The following RABL6 variants were observed in gnomAD, a reference collection of about 807,000 sequenced individuals.
RABL6 encodes the protein rab-like protein 6.
RABL6 carries 28 observed loss-of-function variants against 72.9 expected under a neutral mutation model. That is an observed-to-expected ratio of 0.38 (90% CI 0.28 to 0.53). RABL6 has a LOEUF of 0.53. Ranked by LOEUF, RABL6 falls within the 20% of genes least tolerant of loss-of-function variation. The probability of loss-of-function intolerance (pLI) is 0.80; values close to 1 mark genes in which losing one functional copy is unlikely to be tolerated. For synonymous variants in RABL6, 477 were observed against 421.2 expected (o/e 1.13, Z -1.62); for missense variants, 1,029 against 1,008.4 (o/e 1.02, Z -0.28).
chr9:136,819,324 GAAA>G (rs57726746), intron 1 of RABL6, among the ~76,000 whole-genome samples: 8 of 58,950 alleles, frequency 1.4e-4, no homozygotes, highest in African/African-American at 2.3e-4. Context: ...TCCGTCTCAA[GAAA>G]AAAAAAAAAA....
chr9:136,831,722 A>G lies in RABL6; in HGVS notation c.460A>G (p.Thr154Ala), dbSNP rs774218944. 6.2e-7 allele frequency: 1 copy of G among 1,612,910 alleles called. No homozygotes were observed. The highest frequency in any genetic ancestry group is 8.5e-7 in the Non-Finnish European group (1 of 1,179,742). ...CCAGGTCCTCACCTGTTCTCCGAGG[A>G]CCTTCAATTACATTCTCCGGGAGCT... Reference protein sequence around the residue: ...VMMFDITKQWTFNYILRELPK... With the variant: ...VMMFDITKQWAFNYILRELPK... The change falls in exon 6 of 15, where the codon ACC becomes GCC. Residue 154 changes from threonine (T) to alanine (A), a missense_variant and splice_region_variant. Physicochemically the swap from Thr to Ala is moderately conservative, Grantham distance 58. Around this residue, in one of 2 missense-constraint regions of RABL6, gnomAD observed 434 missense variants for 536.1 expected, o/e 0.81. Coordinates refer to ENST00000311502, the MANE Select transcript of RABL6 (RefSeq NM_024718.5).
chr9:136,817,211 C>T (rs992112453), intron 1 of RABL6, among the ~76,000 whole-genome samples: 2 of 152,014 alleles, frequency 1.3e-5, no homozygotes, highest in African/African-American at 4.8e-5. Flanking sequence ...AAGAGATGTG[C>T]GGCCCAGGGA....
chr9:136,818,190 C>T (rs372831078), intron 1 of RABL6, among the ~76,000 whole-genome samples: 132 of 150,668 alleles, frequency 8.8e-4, no homozygotes, highest in African/African-American at 3.1e-3. Flanking sequence ...AGTGAAACCT[C>T]GTCTCTACTA....
At chr9:136,834,929 T>TACA in intron 7 of RABL6, among the ~76,000 whole-genome samples, 1 of 74,410 alleles carries the variant, frequency 1.3e-5, no homozygotes, top group Admixed American at 1.5e-4. Flanking sequence ...GACCCTGTTC[T>TACA]AAAAAAAAAA....
In RABL6 at chr9:136,819,338, A is replaced by G. The variant is rs939369958; in HGVS notation, c.131-4187A>G. Among the ~76,000 whole-genome samples the G allele has an allele frequency of 1.1e-4, 17 of 151,770 alleles. 1 individual carries two copies. Among genetic ancestry groups the G allele is most frequent in the African/African-American group, 3.6e-4 (15 of 41,382 alleles). The stretch of plus-strand genomic sequence containing the variant: ...CTCCGTCTCAAGAAAAAAAAAAAAA[A>G]AAAAAGAAAACCACCTTGTCCAGCT... On this transcript the variant is annotated intron_variant, in intron 1 of 14. Coordinates refer to ENST00000311502, the MANE Select transcript of RABL6 (RefSeq NM_024718.5).
chr9:136,830,113 C>A (rs1848441403), intron 5 of RABL6, among the ~76,000 whole-genome samples: 1 of 152,250 alleles, frequency 6.6e-6, no homozygotes, highest in Non-Finnish European at 1.5e-5. Flanking sequence ...CAGGGCCCCT[C>A]CTAGCCACAG....
intron 1 of RABL6, chr9:136,810,084 G>C (rs997086250): frequency 6.6e-6 from 1 of 152,244 alleles, no homozygotes; most frequent in Non-Finnish European, 1.5e-5. Context: ...TCGGAGAAGA[G>C]AATATTGAGT....
rs976659680 is a variant in RABL6, at chr9:136,808,040, C to G, written c.-157C>G. 1.9e-6 allele frequency: 2 copies of G among 1,066,392 alleles called. No individual in the cohort carries two copies. Among genetic ancestry groups the G allele is most frequent in the Admixed American group, 5.4e-5 (1 of 18,518 alleles). The allele number at this position is 1,066,392 out of a possible 1,614,324, so 66.1% of individuals were successfully genotyped here. On this transcript the variant is annotated 5_prime_UTR_variant, in exon 1 of 15. Coordinates refer to ENST00000311502, the MANE Select transcript of RABL6 (RefSeq NM_024718.5). ...CGGCTGAGGTTCCCGAGTCGCCGCTCGGGGCTGCGCTCCGCCGCCGGGACC... is the reference window on the plus strand; with the variant it reads ...CGGCTGAGGTTCCCGAGTCGCCGCTGGGGGCTGCGCTCCGCCGCCGGGACC...
rs1224661253 is a variant in RABL6 at position 136,837,992 on chromosome 9, G to A, written c.1257G>A (p.Lys419=). ...PARDEKKVGA[K]AAQQDSDSDG... ...GGGACGAGAAGAAGGTGGGGGCCAAGGCTGCCCAGCAGGACAGCGACAGGT... is the reference window on the plus strand; with the variant it reads ...GGGACGAGAAGAAGGTGGGGGCCAAAGCTGCCCAGCAGGACAGCGACAGGT... Residue 419 remains lysine, a synonymous_variant, in exon 10 of 15, where the codon AAG becomes AAA. Transcript: ENST00000311502. 1.5e-5 allele frequency: 23 copies of A among 1,567,950 alleles called. No homozygotes were observed. The highest frequency in any genetic ancestry group is 1.9e-5 in the Non-Finnish European group (22 of 1,157,340).
intron 1 of RABL6, among the ~76,000 whole-genome samples, chr9:136,822,630 G>T (rs1848262482): frequency 6.6e-6 from 1 of 152,150 alleles, no homozygotes; most frequent in Non-Finnish European, 1.5e-5. Flanking sequence ...CTAAGTCCGT[G>T]CTCCCCTCCC....
In RABL6 at chr9:136,839,030, ACT is replaced by A; in HGVS notation, c.1405_1406del (p.Leu469PhefsTer3). On this transcript the variant is annotated frameshift_variant, in exon 11 of 15. Transcript: ENST00000311502. LOFTEE classifies it high-confidence loss of function. ...AGGCCCCGTCCCCAGTCAAGACATC[ACT>A]CTTTCGAGTGAGGAGGAAGCAGAAG... ...PAGPVPSQDI[T>X]LSSEEEAEVA... The A allele has an allele frequency of 6.2e-7, 1 of 1,612,234 alleles. No individual in the cohort carries two copies. Among genetic ancestry groups the A allele is most frequent in the Non-Finnish European group, 8.5e-7 (1 of 1,179,714 alleles).
At chr9:136,838,771 C>T in intron 10 of RABL6, 138 bp from the exon 11 acceptor site, 2 of 762,072 alleles carry the variant, frequency 2.6e-6, no homozygotes, top group Non-Finnish European at 4.1e-6. Flanking sequence ...GGGGGCCTCT[C>T]CACAACACAG....
At chr9:136,813,028 C>T in intron 1 of RABL6, 1 of 371,708 alleles carries the variant, frequency 2.7e-6, no homozygotes, top group Non-Finnish European at 5.3e-6. Flanking sequence ...CTCACTGTTG[C>T]CATCTACAGA....
At chr9:136,833,855 C>T (rs760543943) in intron 7 of RABL6, 15 of 1,550,524 alleles carry the variant, frequency 9.7e-6, no homozygotes, top group Non-Finnish European at 1.3e-5. Flanking sequence ...TTGTCCTGTG[C>T]CGGCACTGCT....
At chr9:136,821,306 G>C (rs1031557115) in intron 1 of RABL6, 24 of 984,010 alleles carry the variant, frequency 2.4e-5, no homozygotes, top group Non-Finnish European at 2.8e-5. Flanking sequence ...CCGTCTCTGC[G>C]CTCTCCGCGT....
rs1156761611 is a variant in RABL6, at chr9:136,828,520, T to C, written c.340T>C (p.Leu114=). 1 of 1,613,332 alleles carries C rather than the reference T, an allele frequency of 6.2e-7. No individual in the cohort carries two copies. ...AAAATGCAAAAAGCGAGGCGACGGC[T>C]TAAAGATGGAGAACGACCCCCAGGA... ...KGKCKKRGDG[L]KMENDPQEAE... Residue 114 remains leucine, a synonymous_variant, in exon 4 of 15, where the codon TTA becomes CTA. Coordinates refer to ENST00000311502, the MANE Select transcript of RABL6 (RefSeq NM_024718.5).
rs987010014 is a variant in RABL6, at chr9:136,809,451, C to G, written c.130+1125C>G. 8.0e-5 allele frequency: 26 copies of G among 324,328 alleles called. No individual in the cohort carries two copies. The Middle Eastern group carries it at 3.0e-3, about 37-fold the overall frequency. 20.1% of individuals were successfully genotyped at this position (324,328 alleles called of 1,614,324 possible). ...AGCAGTAAGCAAGATAAAACAACTTCTTAAAGATAAGTCTGAGCATCTAGG... is the reference window on the plus strand; with the variant it reads ...AGCAGTAAGCAAGATAAAACAACTTGTTAAAGATAAGTCTGAGCATCTAGG... On this transcript the variant is annotated intron_variant, in intron 1 of 14. Transcript: ENST00000311502.
chr9:136,827,879 G>A (rs1848391802), intron 3 of RABL6: 1 of 152,672 alleles, frequency 6.5e-6, no homozygotes, highest in Non-Finnish European at 1.5e-5. Flanking sequence ...GCATTGTGGA[G>A]TTAAAGGGAG....
At chr9:136,831,089 C>T (rs573443333) in intron 5 of RABL6, 2 of 154,784 alleles carry the variant, frequency 1.3e-5, no homozygotes, top group Non-Finnish European at 2.9e-5. Context: ...TTTTTTACTC[C>T]CTTATGTTGG....
Sources: gnomAD v4.1 joint callset for allele counts (sites outside exome capture counted in the v4.1 genomes callset) on GRCh38, gnomAD v4.1.1 for gene constraint, gnomAD v4.1.1 regional missense constraint, MANE v1.5 for transcripts, NCBI Gene and HGNC (gene_info 2026-07-23, HGNC 2026-07-21) for gene names.